FERRY3: variants seen among roughly 807,000 people sequenced by gnomAD.
FERRY3 encodes the protein FERRY endosomal RAB5 effector complex subunit 3, also known as protein C12orf4.
chr12:4,492,715 C>G, the FERRY3 span, among the ~76,000 whole-genome samples: 3 of 152,182 alleles, frequency 2.0e-5, no homozygotes, highest in Non-Finnish European at 2.9e-5. Context: ...GGCTTCCTAT[C>G]TAGTGTCCTG....
the FERRY3 span, among the ~76,000 whole-genome samples, chr12:4,492,301 T>C: frequency 6.6e-6 from 1 of 152,188 alleles, no homozygotes; most frequent in African/African-American, 2.4e-5. Flanking sequence ...ACAGAAGATA[T>C]CTGGATTCTG....
the FERRY3 span, chr12:4,533,995 A>G: frequency 1.6e-6 from 1 of 644,226 alleles, no homozygotes. Flanking sequence ...TTATGTGCTC[A>G]CCCTGATATA....
the FERRY3 span, chr12:4,525,225 T>G: frequency 6.2e-7 from 1 of 1,604,816 alleles, no homozygotes. Flanking sequence ...TGGACTACTA[T>G]ATGAATAAGA....
the FERRY3 span, among the ~76,000 whole-genome samples, chr12:4,530,288 A>G: frequency 6.6e-6 from 1 of 152,216 alleles, no homozygotes; most frequent in Admixed American, 6.5e-5. Flanking sequence ...AGCAGAAATG[A>G]GAAGGAGGTA....
the FERRY3 span, chr12:4,500,422 G>T: frequency 8.0e-7 from 1 of 1,253,436 alleles, no homozygotes; most frequent in Non-Finnish European, 1.1e-6. Context: ...TAAGTGTAAT[G>T]GGCAATCAAT....
the FERRY3 span, among the ~76,000 whole-genome samples, chr12:4,532,664 A>G: frequency 6.6e-6 from 1 of 152,162 alleles, no homozygotes; most frequent in African/African-American, 2.4e-5. Context: ...TCCCCAGGTA[A>G]TTGATATTTA....
chr12:4,502,202 C>G, the FERRY3 span: 1 of 298,494 alleles, frequency 3.4e-6, no homozygotes, highest in African/African-American at 2.3e-5. The surrounding 1 kb of genome is among the most constrained non-coding windows in gnomAD (Gnocchi z 4.2). Context: ...CTTCTTAGCA[C>G]TGAAATTCTT....
chr12:4,496,021 A>G, the FERRY3 span, among the ~76,000 whole-genome samples: 4 of 152,214 alleles, frequency 2.6e-5, no homozygotes, highest in African/African-American at 9.6e-5. Context: ...TTAGCAGCGT[A>G]TGACTCTAAG....
the FERRY3 span, among the ~76,000 whole-genome samples, chr12:4,493,000 C>G: frequency 6.6e-6 from 1 of 152,094 alleles, no homozygotes; most frequent in Non-Finnish European, 1.5e-5. Context: ...CCACCTCCCT[C>G]CATTTTTCCT....
the FERRY3 span, among the ~76,000 whole-genome samples, chr12:4,502,109 C>A: frequency 2.6e-5 from 4 of 152,182 alleles, no homozygotes; most frequent in Non-Finnish European, 5.9e-5. The surrounding 1 kb of genome is among the most constrained non-coding windows in gnomAD (Gnocchi z 4.2). Flanking sequence ...AAAGTCACCT[C>A]CTCAGAAAGG....
the FERRY3 span, chr12:4,502,537 T>C: frequency 5.4e-6 from 2 of 372,602 alleles, no homozygotes; most frequent in African/African-American, 2.2e-5. This position sits in a 1 kb window ranked among gnomAD's most constrained non-coding sequence, Gnocchi z 4.2. Flanking sequence ...TTCTTACCAA[T>C]ACATACACCT....
the FERRY3 span, chr12:4,517,918 T>C: frequency 1.6e-6 from 1 of 635,306 alleles, no homozygotes; most frequent in Non-Finnish European, 2.7e-6. Flanking sequence ...AAAATAACTA[T>C]GGCTGGGTAT....
the FERRY3 span, among the ~76,000 whole-genome samples, chr12:4,525,953 G>A: frequency 6.6e-6 from 1 of 152,106 alleles, no homozygotes; most frequent in Non-Finnish European, 1.5e-5. Context: ...CAGCTTAAAT[G>A]GATTTTCTAT....
chr12:4,494,132 C>A, the FERRY3 span, among the ~76,000 whole-genome samples: 1 of 151,918 alleles, frequency 6.6e-6, no homozygotes, highest in East Asian at 1.9e-4. Flanking sequence ...CGCTACGGAG[C>A]AATGCTGATG....
chr12:4,530,008 C>T, the FERRY3 span: 2 of 1,613,088 alleles, frequency 1.2e-6, no homozygotes, highest in African/African-American at 2.7e-5. Context: ...GCAAAATCTT[C>T]ATCCCAGCTG....
At chr12:4,529,074 C>T in the FERRY3 span, among the ~76,000 whole-genome samples, 1 of 152,094 alleles carries the variant, frequency 6.6e-6, no homozygotes, top group South Asian at 2.1e-4. Context: ...TGCTAAATTA[C>T]AATGGATTAT....
chr12:4,525,284 T>G, the FERRY3 span: 2 of 1,613,554 alleles, frequency 1.2e-6, no homozygotes, highest in Non-Finnish European at 1.7e-6. Flanking sequence ...GTTTTTTAGG[T>G]CTTGGTGAAG....
the FERRY3 span, among the ~76,000 whole-genome samples, chr12:4,493,926 C>G: frequency 6.6e-6 from 1 of 152,038 alleles, no homozygotes; most frequent in South Asian, 2.1e-4. Flanking sequence ...AACCCCGTCT[C>G]TACTAAAAAT....
chr12:4,517,144 C>T, the FERRY3 span: 20 of 1,591,426 alleles, frequency 1.3e-5, no homozygotes, highest in Admixed American at 3.5e-5. Flanking sequence ...CTCTTCAATT[C>T]GGGGGAAATG....
Sources: allele counts gnomAD v4.1 joint callset (sites outside exome capture counted in the v4.1 genomes callset), GRCh38; gene constraint gnomAD v4.1.1; non-coding constraint Gnocchi (gnomAD v3.1); transcripts MANE v1.5; gene names NCBI Gene and HGNC (gene_info 2026-07-23, HGNC 2026-07-21).